Variants in PTPRT observed in about 807,000 individuals in gnomAD.
The protein encoded by PTPRT is receptor-type tyrosine-protein phosphatase T.
In PTPRT, 56 loss-of-function variants were observed where a neutral mutation model predicts 176.8. The ratio of observed to expected loss-of-function variants is 0.32; its 90% CI spans 0.26 to 0.40. The LOEUF is 0.40. Ranked by LOEUF, PTPRT falls within the 10% of genes least tolerant of loss-of-function variation. PTPRT has a pLI of 1.00. For missense variants in PTPRT, 1,540 were observed against 1,908.2 expected (o/e 0.81, Z 3.60); for synonymous variants, 783 against 739.0 (o/e 1.06, Z -0.96).
At chr20:42,423,178 T>TAA (rs34775268) in intron 9 of PTPRT, among the ~76,000 whole-genome samples, 31,509 of 87,962 alleles carry the variant, frequency 0.36, 5,094 homozygotes, top group East Asian at 0.4. Context: ...ACCTTAAAAG[T>TAA]AAAAAAAAAA....
At chr20:42,134,150 T>C (rs1461592598) in intron 18 of PTPRT, among the ~76,000 whole-genome samples, 5 of 152,218 alleles carry the variant, frequency 3.3e-5, no homozygotes, top group African/African-American at 1.2e-4. Flanking sequence ...GTCCCCTTCT[T>C]CTTCTAACTT....
chr20:42,101,760 T>G (rs1181671603), intron 26 of PTPRT, among the ~76,000 whole-genome samples: 1 of 152,222 alleles, frequency 6.6e-6, no homozygotes, highest in Non-Finnish European at 1.5e-5. Flanking sequence ...GTTCCCACGC[T>G]CAGGCCAAGG....
chr20:42,286,408 A>C (rs1266127858), intron 12 of PTPRT, among the ~76,000 whole-genome samples: 1 of 151,922 alleles, frequency 6.6e-6, no homozygotes, highest in Non-Finnish European at 1.5e-5. Flanking sequence ...TAATATTTTT[A>C]AAAACGCCAA....
intron 2 of PTPRT, among the ~76,000 whole-genome samples, chr20:42,840,121 G>T (rs2078251384): frequency 6.6e-6 from 1 of 152,132 alleles, no homozygotes; most frequent in Non-Finnish European, 1.5e-5. Flanking sequence ...AACCTATAGG[G>T]AAGAATCTTT....
At chr20:42,644,147 C>T (rs1185098651) in intron 7 of PTPRT, among the ~76,000 whole-genome samples, 3 of 152,114 alleles carry the variant, frequency 2.0e-5, no homozygotes, top group Non-Finnish European at 4.4e-5. Context: ...GCAACTGAGC[C>T]TTCAACAGGC....
At chr20:43,182,883 T>C (rs1262437507) in intron 1 of PTPRT, among the ~76,000 whole-genome samples, 1 of 152,170 alleles carries the variant, frequency 6.6e-6, no homozygotes, top group African/African-American at 2.4e-5. Context: ...CTGCTCCTGA[T>C]CCAAGGCACT....
At position 42,751,973 on chromosome 20, in the gene PTPRT, C is replaced by T. The variant is rs144828721; in HGVS notation, c.859+4489G>A. 1.1e-3 allele frequency among the ~76,000 whole-genome samples: 161 copies of T among 152,268 alleles called. 1 individual carries two copies. The highest frequency in any genetic ancestry group is 2.1e-3 in the African/African-American group (87 of 41,558). ...TACATATATCCTATTACTTCTGTCC[C>T]TCTAGAGAACCCTAATAAAAGACCC... On this transcript the variant is annotated intron_variant, in intron 6 of 30. Transcript: ENST00000373187.
At chr20:42,237,800 A>G (rs2056274836) in intron 14 of PTPRT, among the ~76,000 whole-genome samples, 1 of 152,224 alleles carries the variant, frequency 6.6e-6, no homozygotes, top group Non-Finnish European at 1.5e-5. Flanking sequence ...ACTGACAATA[A>G]ATGATACATT....
At chr20:42,432,944 T>C (rs1227597394) in intron 9 of PTPRT, among the ~76,000 whole-genome samples, 1 of 152,214 alleles carries the variant, frequency 6.6e-6, no homozygotes, top group Non-Finnish European at 1.5e-5. Flanking sequence ...GAGACTGTTT[T>C]CCCAGGCCAT....
chr20:42,386,504 G>A (rs1388084287), intron 9 of PTPRT, among the ~76,000 whole-genome samples: 1 of 152,126 alleles, frequency 6.6e-6, no homozygotes, highest in East Asian at 1.9e-4. Context: ...GAGTGGAACT[G>A]GACAAACCAA....
intron 1 of PTPRT, among the ~76,000 whole-genome samples, chr20:43,188,309 A>G (rs1398755588): frequency 6.6e-6 from 1 of 152,216 alleles, no homozygotes; most frequent in African/African-American, 2.4e-5. Flanking sequence ...ACACACCTCA[A>G]AAGGAGTGTC....
intron 7 of PTPRT, among the ~76,000 whole-genome samples, chr20:42,675,876 G>T (rs2075493120): frequency 6.6e-6 from 1 of 152,214 alleles, no homozygotes. Flanking sequence ...GAGGCATTCT[G>T]CTGGATGGCT....
At chr20:42,384,011 G>A (rs968863748) in intron 9 of PTPRT, among the ~76,000 whole-genome samples, 2 of 152,184 alleles carry the variant, frequency 1.3e-5, no homozygotes, top group African/African-American at 4.8e-5. Context: ...ACGTAGAGAC[G>A]ACAATATGGA....
intron 6 of PTPRT, 104 bp downstream of exon 6, chr20:42,756,358 C>T: frequency 8.2e-7 from 1 of 1,219,642 alleles, no homozygotes; most frequent in Non-Finnish European, 1.1e-6. Flanking sequence ...TTAATCTCCT[C>T]TTTTACTGAA....
rs200542249 is a variant in PTPRT at position 42,652,187 on chromosome 20, C to CA, written c.1153+25678dup. Among the ~76,000 whole-genome samples, 734 of 151,348 alleles carry CA rather than the reference C, an allele frequency of 4.8e-3. 6 individuals are homozygous for CA. The highest frequency in any genetic ancestry group is 0.016 in the African/African-American group (676 of 41,306). ...TATTGTTTCTATTCTATTCAAATGA[C>CA]AAAAAAAATGGTCTATTAAACATTC... On this transcript the variant is annotated intron_variant, in intron 7 of 30. Transcript: ENST00000373187.
chr20:42,510,067 C>T (rs533243983), intron 7 of PTPRT, among the ~76,000 whole-genome samples: 2 of 152,220 alleles, frequency 1.3e-5, no homozygotes, highest in African/African-American at 4.8e-5. Flanking sequence ...AAATACATGG[C>T]ATAGTGCTGG....
chr20:42,213,845 A>G (rs552525858), intron 15 of PTPRT, among the ~76,000 whole-genome samples: 1 of 152,326 alleles, frequency 6.6e-6, no homozygotes, highest in East Asian at 1.9e-4. Flanking sequence ...TATAGCTTCT[A>G]AAATTATGAG....
At chr20:42,830,976 C>A (rs944460549) in intron 2 of PTPRT, among the ~76,000 whole-genome samples, 3 of 151,738 alleles carry the variant, frequency 2.0e-5, no homozygotes, top group Non-Finnish European at 4.4e-5. Context: ...CCAAAGCAAC[C>A]TACAGAATCT....
At chr20:43,019,983 A>T (rs1985583013) in intron 1 of PTPRT, among the ~76,000 whole-genome samples, 1 of 151,728 alleles carries the variant, frequency 6.6e-6, no homozygotes, top group South Asian at 2.1e-4. Context: ...TCAGACGTGG[A>T]CCAATCCCTG....
Sources: allele counts gnomAD v4.1 joint callset (sites outside exome capture counted in the v4.1 genomes callset), GRCh38; gene constraint gnomAD v4.1.1; transcripts MANE v1.5; gene names NCBI Gene and HGNC (gene_info 2026-07-23, HGNC 2026-07-21).